The following MAMSTR variants were observed in gnomAD, a reference collection of about 807,000 sequenced individuals.
MAMSTR encodes MEF2-activating motif and SAP domain-containing transcriptional regulator.
MAMSTR carries 41 observed loss-of-function variants against 42.7 expected under a neutral mutation model. The ratio of observed to expected loss-of-function variants is 0.96; its 90% CI spans 0.75 to 1.25. The LOEUF (loss-of-function observed/expected upper bound fraction) is 1.25, where lower values mean the gene tolerates loss of function less well. MAMSTR is among the 50% of genes most tolerant of loss of function. The pLI is 0.00. For synonymous variants in MAMSTR, 265 were observed against 244.1 expected (o/e 1.09, Z -0.80); for missense variants, 567 against 557.6 (o/e 1.02, Z -0.17).
rs33988101 is a variant in MAMSTR, at chr19:48,714,854, G to T, written c.480C>A (p.Pro160=). The T allele has an allele frequency of 0.48, 768,668 of 1,610,196 alleles. 198,023 individuals carry two copies. Among genetic ancestry groups the T allele is most frequent in the Non-Finnish European group, 0.54 (632,373 of 1,177,004 alleles). ...PCPPGVPSPS[P]PPHKLELQTL... ...TCTGAAGTTCCAACTTGTGTGGGGG[G>T]GGCGAGGGGCTAGGGACTCCTGGTG... The change falls in exon 6 of 10, where the codon CCC becomes CCA. Residue 160 remains proline, a synonymous_variant. Coordinates refer to ENST00000318083, the MANE Select transcript of MAMSTR (RefSeq NM_001130915.2).
At chr19:48,705,904 TTATAAA>T in the MAMSTR span, 2 of 166,450 alleles carry the variant, frequency 1.2e-5, no homozygotes, top group African/African-American at 4.8e-5. Context: ...ACCCTGACTC[TTATAAA>T]TAAATAAATG....
downstream of MAMSTR, among the ~76,000 whole-genome samples, chr19:48,708,860 C>T (rs1040058150): frequency 6.6e-6 from 1 of 151,864 alleles, no homozygotes; most frequent in Non-Finnish European, 1.5e-5. Flanking sequence ...GAGTTGGAGA[C>T]AGAGATAGGG....
chr19:48,714,220 T>C (rs1307286028), intron 7 of MAMSTR, 146 bp downstream of exon 7: 6 of 979,132 alleles, frequency 6.1e-6, no homozygotes, highest in African/African-American at 3.3e-5. Context: ...CCGCCCCCTG[T>C]TAGTCTGAAC....
intron 3 of MAMSTR, chr19:48,716,038 G>A: frequency 9.6e-7 from 1 of 1,036,406 alleles, no homozygotes; most frequent in East Asian, 4.7e-5. Flanking sequence ...CTAGGACAGG[G>A]GTGGGGCCTG....
chr19:48,717,949 C>T (rs2122364601), intron 2 of MAMSTR, among the ~76,000 whole-genome samples: 1 of 149,652 alleles, frequency 6.7e-6, no homozygotes. Flanking sequence ...AGGCAATCCG[C>T]CCGCCTTGGC....
chr19:48,707,792 CAAAG>C (rs1196798969), downstream of MAMSTR, among the ~76,000 whole-genome samples: 11 of 69,370 alleles, frequency 1.6e-4, no homozygotes, highest in Non-Finnish European at 2.8e-4. Context: ...AAGAAAGAAA[CAAAG>C]AAGGAAGGAA....
At position 48,715,268 on chromosome 19, in the gene MAMSTR, T is replaced by A. The variant is rs1443024357; in HGVS notation, c.419A>T (p.His140Leu). ...ACAGAAGTGGGTGTCATACCTAGGA[T>A]GTGGCTGCTGCGAGTCTGTCCCTTC... ...LWEGTDSQQPHPRMKPSPLTP... is the reference protein window; with the variant it reads ...LWEGTDSQQPLPRMKPSPLTP... The change falls in exon 5 of 10, where the codon CAT (histidine) becomes CTT (leucine). Residue 140 changes from histidine to leucine, a missense_variant. Coordinates refer to ENST00000318083, the MANE Select transcript of MAMSTR (RefSeq NM_001130915.2). 2 of 1,587,226 alleles carry A rather than the reference T, an allele frequency of 1.3e-6. No homozygotes were observed. Among genetic ancestry groups the A allele is most frequent in the African/African-American group, 2.7e-5 (2 of 74,610 alleles).
downstream of MAMSTR, among the ~76,000 whole-genome samples, chr19:48,708,609 G>A (rs544099858): frequency 5.6e-4 from 85 of 152,270 alleles, no homozygotes; most frequent in African/African-American, 1.9e-3. Flanking sequence ...CAGTTAGGCT[G>A]AAGGTTCAGA....
Position 48,714,035 on chromosome 19 carries a change from C to T in MAMSTR, c.734G>A (p.Ser245Asn), listed in dbSNP as rs750707501. ...AAGAGGTGGCCTGTGAGATGCTGCGCTGGGCTTGACCTAGAGCAGCCAAGA... is the reference window on the plus strand; with the variant it reads ...AAGAGGTGGCCTGTGAGATGCTGCGTTGGGCTTGACCTAGAGCAGCCAAGA... ...AARRQGSVKPSAASHRPPLPR... is the reference protein window; with the variant it reads ...AARRQGSVKPNAASHRPPLPR... Residue 245 changes from serine to asparagine, a missense_variant, in exon 8 of 10, where the codon AGC becomes AAC. By Grantham distance (46) the Ser-to-Asn change is conservative (BLOSUM62 1). Coordinates refer to ENST00000318083, the MANE Select transcript of MAMSTR (RefSeq NM_001130915.2). The T allele has an allele frequency of 6.3e-7, 1 of 1,593,308 alleles. No individual in the cohort carries two copies. The highest frequency in any genetic ancestry group is 2.2e-5 in the East Asian group (1 of 44,750).
chr19:48,711,789 A>G (rs1489654998), downstream of MAMSTR, among the ~76,000 whole-genome samples: 2 of 115,104 alleles, frequency 1.7e-5, no homozygotes, highest in Non-Finnish European at 3.2e-5. Context: ...TCTGTTGCCC[A>G]GGCTGGAGTG....
intron 5 of MAMSTR, 78 bp downstream of exon 5, chr19:48,715,184 T>C (rs2032947067): frequency 7.3e-7 from 1 of 1,360,902 alleles, no homozygotes; most frequent in Non-Finnish European, 1.0e-6. Flanking sequence ...TCCCCTAATC[T>C]TGGACTCGAG....
chr19:48,715,219 C>A (rs2032949165), intron 5 of MAMSTR, 43 bp downstream of exon 5: 1 of 1,527,652 alleles, frequency 6.5e-7, no homozygotes, highest in Non-Finnish European at 8.9e-7. Context: ...GATGCTGGGA[C>A]CTGAATTTCT....
downstream of MAMSTR, among the ~76,000 whole-genome samples, chr19:48,707,846 A>G (rs1314072158): frequency 2.3e-5 from 2 of 87,388 alleles, no homozygotes; most frequent in Non-Finnish European, 4.9e-5. Flanking sequence ...AAGGAAAGAA[A>G]GAAAGAAAGA....
rs1333165369 is a variant in MAMSTR at position 48,718,973 on chromosome 19, C to T, written c.58+1G>A. On this transcript the variant is annotated splice_donor_variant, in intron 2 of 9. Transcript: ENST00000318083. LOFTEE classifies it high-confidence loss of function. ...CACGCATAAAGAGAGCCCTCTCTCA[C>T]CAGATCGGAACTTGGAGCGAATGAT... is the stretch of plus-strand genomic sequence containing the variant. 15 of 1,547,696 alleles carry T rather than the reference C, an allele frequency of 9.7e-6. No homozygotes were observed. Among genetic ancestry groups the T allele is most frequent in the Non-Finnish European group, 1.0e-5 (12 of 1,144,750 alleles).
chr19:48,710,414 CTTT>C (rs551847729), downstream of MAMSTR, among the ~76,000 whole-genome samples: 1,117 of 103,722 alleles, frequency 0.011, 10 homozygotes, highest in African/African-American at 0.046. Flanking sequence ...TGGGCCCAAT[CTTT>C]TTTTTTTTTT....
chr19:48,705,887 T>C, the MAMSTR span: 1 of 166,584 alleles, frequency 6.0e-6, no homozygotes, highest in Admixed American at 6.6e-5. Context: ...CTGGACGACG[T>C]AGTGATACCC....
rs1445450484 is a variant in MAMSTR, at chr19:48,718,980, G to GGAACTT, written c.46_51dup (p.Lys16_Phe17dup). 66 of 1,550,556 alleles carry GGAACTT rather than the reference G, an allele frequency of 4.3e-5. No individual in the cohort carries two copies. Among genetic ancestry groups the GGAACTT allele is most frequent in the Non-Finnish European group, 5.8e-5 (66 of 1,146,368 alleles). ...AAAGAGAGCCCTCTCTCACCAGATC[G>GGAACTT]GAACTTGGAGCGAATGATTTGGGAA... On this transcript the variant is annotated inframe_insertion, in exon 2 of 10. Transcript: ENST00000318083.
downstream of MAMSTR, among the ~76,000 whole-genome samples, chr19:48,708,695 A>G (rs1036756205): frequency 6.6e-6 from 1 of 152,160 alleles, no homozygotes; most frequent in Non-Finnish European, 1.5e-5. Flanking sequence ...CCTCAGCTCA[A>G]CAGAGCCCAC....
chr19:48,713,637 C>G, intron 9 of MAMSTR, 79 bp downstream of exon 9: 1 of 1,606,184 alleles, frequency 6.2e-7, no homozygotes, highest in Non-Finnish European at 8.5e-7. Context: ...ATCCAGCTCC[C>G]CAGCTCACGC....
Sources: allele counts gnomAD v4.1 joint callset (sites outside exome capture counted in the v4.1 genomes callset), GRCh38; gene constraint gnomAD v4.1.1; transcripts MANE v1.5; gene names NCBI Gene and HGNC (gene_info 2026-07-23, HGNC 2026-07-21).